The following RUNX3 variants were observed in gnomAD, a reference collection of about 807,000 sequenced individuals.
RUNX3 encodes runt-related transcription factor 3.
Under a neutral mutation model 27.7 loss-of-function variants are expected in RUNX3, and 10 were observed. The observed-to-expected ratio is 0.36, with a 90% CI of 0.22 to 0.61. The LOEUF (loss-of-function observed/expected upper bound fraction) is 0.61. RUNX3 is among the 20% of genes least tolerant of loss of function. The pLI is 0.72. For missense variants in RUNX3, 469 were observed against 629.5 expected (o/e 0.75, Z 2.73); for synonymous variants, 270 against 269.2 (o/e 1.00, Z -0.03).
At position 24,902,386 on chromosome 1, in the gene RUNX3, G is replaced by A. The variant is rs1242516572; in HGVS notation, c.984C>T (p.Ser328=). 1.2e-6 allele frequency: 2 copies of A among 1,612,722 alleles called. No homozygotes were observed. Among genetic ancestry groups the A allele is most frequent in the African/African-American group, 1.3e-5 (1 of 75,062 alleles). ...NQSGPFQANP[S]PYHLYYGTSS... Reference sequence around the variant, plus strand: ...ATGTCCCGTAGTAGAGGTGGTAGGGGGACGGGTTGGCCTGGAAGGGCCCGC... The same window carrying A: ...ATGTCCCGTAGTAGAGGTGGTAGGGAGACGGGTTGGCCTGGAAGGGCCCGC... Residue 328 remains serine, a synonymous_variant, in exon 5 of 5, where the codon TCC becomes TCT. Transcript: ENST00000308873. The surrounding 1 kb of genome is among the most constrained non-coding windows in gnomAD (Gnocchi z 9.2).
intron 2 of RUNX3, among the ~76,000 whole-genome samples, chr1:24,926,896 C>T (rs1249982852): frequency 6.6e-6 from 1 of 152,178 alleles, no homozygotes; most frequent in African/African-American, 2.4e-5. Context: ...TGATGGGTTT[C>T]AGGTCCCAGA....
At chr1:24,910,620 T>C (rs1431892722) in intron 3 of RUNX3, among the ~76,000 whole-genome samples, 2 of 152,286 alleles carry the variant, frequency 1.3e-5, no homozygotes, top group South Asian at 2.1e-4. Context: ...CGCATCCCTG[T>C]TGGAAGCTCA....
Position 24,929,921 on chromosome 1 carries a change from G to A in RUNX3, c.-53C>T. The A allele has an allele frequency of 8.1e-7, 1 of 1,229,232 alleles. No individual in the cohort carries two copies. Among genetic ancestry groups the A allele is most frequent in the Non-Finnish European group, 1.0e-6 (1 of 987,488 alleles). 76.1% of individuals were successfully genotyped at this position (1,229,232 alleles called of 1,614,324 possible). A position where few individuals can be genotyped will look rare whatever the true frequency, so the allele number is the denominator to read the frequency against. Reference sequence around the variant, plus strand: ...GCGGAGACGGCGCGGCTTCCCCCGGGGGCGGCCGGCGCGGGCGCCTCCTCG... The same window carrying A: ...GCGGAGACGGCGCGGCTTCCCCCGGAGGCGGCCGGCGCGGGCGCCTCCTCG... On this transcript the variant is annotated 5_prime_UTR_variant, in exon 1 of 5. Transcript: ENST00000308873.
chr1:24,938,802 A>G (rs1252662655), intron 2 of RUNX3, among the ~76,000 whole-genome samples: 1 of 152,114 alleles, frequency 6.6e-6, no homozygotes, highest in Non-Finnish European at 1.5e-5. Context: ...GGACACAGCC[A>G]GAAGACACTG....
At chr1:24,953,451 C>T (rs1641830502) in intron 2 of RUNX3, among the ~76,000 whole-genome samples, 1 of 139,624 alleles carries the variant, frequency 7.2e-6, no homozygotes, top group African/African-American at 2.6e-5. Context: ...TAGCCATTAG[C>T]TTTTAAATGA....
In RUNX3 at chr1:24,951,277, T is replaced by C. The variant is rs898395580; in HGVS notation, c.58+13237A>G. Reference sequence around the variant, plus strand: ...GAGAGAAAGAAGCTCTTTCCCTGCATGTGTTGCCATGGGATTCTGGCCCAG... The same window carrying C: ...GAGAGAAAGAAGCTCTTTCCCTGCACGTGTTGCCATGGGATTCTGGCCCAG... On this transcript the variant is annotated intron_variant, in intron 2 of 6. Coordinates refer to the RUNX3 transcript ENST00000338888. Among the ~76,000 whole-genome samples, 3 of 151,330 alleles carry C rather than the reference T, an allele frequency of 2.0e-5. No homozygotes were observed. In the East Asian group the frequency reaches 5.8e-4, roughly 29 times the overall value.
Position 24,938,390 on chromosome 1 carries a change from C to T in RUNX3, c.59-8538G>A, listed in dbSNP as rs374069515. 6.8e-4 allele frequency among the ~76,000 whole-genome samples: 103 copies of T among 152,286 alleles called. 1 individual carries two copies. Among genetic ancestry groups the T allele is most frequent in the African/African-American group, 2.3e-3 (96 of 41,548 alleles). ...GGCCCAGGAAGGATCAGAGATTTGC[C>T]CACCGTCACAGAAGGTGCTTATTGA... On this transcript the variant is annotated intron_variant, in intron 2 of 6. Transcript: ENST00000338888.
rs902158588 is a variant in RUNX3, at chr1:24,935,780, G to T, written c.59-5928C>A. ...TTTTTGAACACCTGCCGCATGCTGG[G>T]AGTTTTCCGCCAATTGTCGCTCACC... is the stretch of plus-strand genomic sequence containing the variant. On this transcript the variant is annotated intron_variant, in intron 2 of 6. Coordinates refer to the RUNX3 transcript ENST00000338888. 2.0e-5 allele frequency among the ~76,000 whole-genome samples: 3 copies of T among 152,226 alleles called. No homozygotes were observed. In the South Asian group the frequency reaches 6.2e-4, roughly 32 times the overall value.
intron 2 of RUNX3, among the ~76,000 whole-genome samples, chr1:24,948,790 G>A (rs1349016276): frequency 6.6e-6 from 1 of 152,082 alleles, no homozygotes; most frequent in Non-Finnish European, 1.5e-5. Flanking sequence ...AAGGGTACAT[G>A]TGGGGAGGCC....
chr1:24,945,147 T>C (rs1161701926), intron 2 of RUNX3, among the ~76,000 whole-genome samples: 2 of 152,340 alleles, frequency 1.3e-5, no homozygotes, highest in African/African-American at 2.4e-5. Flanking sequence ...CAAATGGAAA[T>C]ATAAAACACC....
At chr1:24,941,792 A>G (rs916364641) in intron 2 of RUNX3, among the ~76,000 whole-genome samples, 2 of 152,148 alleles carry the variant, frequency 1.3e-5, no homozygotes, top group Non-Finnish European at 2.9e-5. Context: ...GCCTCCTTAC[A>G]GGGTCATGGC....
Position 24,916,307 on chromosome 1 carries a change from C to T in RUNX3, c.544+2933G>A, listed in dbSNP as rs994338683. Among the ~76,000 whole-genome samples, 1 of 152,202 alleles carries T rather than the reference C, an allele frequency of 6.6e-6. No individual in the cohort carries two copies. The highest frequency in any genetic ancestry group is 2.4e-5 in the African/African-American group (1 of 41,452). The stretch of plus-strand genomic sequence containing the variant: ...ACTCAGTCAACCTTCACAGCGACTC[C>T]CCTAGGCAGACACCAATACCATCCA... On this transcript the variant is annotated intron_variant, in intron 3 of 4. Transcript: ENST00000308873. This position sits in a 1 kb window ranked among gnomAD's most constrained non-coding sequence, Gnocchi z 4.8.
Position 24,916,953 on chromosome 1 carries a change from G to A in RUNX3, c.544+2287C>T, listed in dbSNP as rs1640901748. Among the ~76,000 whole-genome samples, 1 of 152,150 alleles carries A rather than the reference G, an allele frequency of 6.6e-6. No homozygotes were observed. The highest frequency in any genetic ancestry group is 6.5e-5 in the Admixed American group (1 of 15,282). On this transcript the variant is annotated intron_variant, in intron 3 of 4. Coordinates refer to ENST00000308873, the MANE Select transcript of RUNX3 (RefSeq NM_004350.3). The surrounding 1 kb of genome is among the most constrained non-coding windows in gnomAD (Gnocchi z 4.8). Reference sequence around the variant, plus strand: ...GCTCACCCCAGAAGGGGCCATCTCAGGTCTGGGAGACCCAGGCAGGGAAGA... The same window carrying A: ...GCTCACCCCAGAAGGGGCCATCTCAAGTCTGGGAGACCCAGGCAGGGAAGA...
intron 2 of RUNX3, among the ~76,000 whole-genome samples, chr1:24,925,271 C>T (rs952412291): frequency 1.3e-5 from 2 of 152,098 alleles, no homozygotes; most frequent in South Asian, 2.1e-4. Context: ...CCCTGCCAAC[C>T]GCCTCCACCT....
upstream of RUNX3, among the ~76,000 whole-genome samples, chr1:24,934,349 G>A (rs572354730): frequency 6.6e-6 from 1 of 152,160 alleles, no homozygotes; most frequent in African/African-American, 2.4e-5. Flanking sequence ...GAGCACAAAT[G>A]TGCTTCTCAA....
intron 1 of RUNX3, 162 bp downstream of exon 1, chr1:24,929,425 G>A (rs1206983711): frequency 4.0e-6 from 3 of 757,932 alleles, no homozygotes; most frequent in Non-Finnish European, 6.9e-6. Flanking sequence ...GAACGCCGAG[G>A]TCCCGGAGCC....
At chr1:24,964,514 C>T (rs200345680) in exon 2 of RUNX3, 73 of 1,609,282 alleles carry the variant, frequency 4.5e-5, no homozygotes, top group East Asian at 4.3e-4. Context: ...TGTTACTCAC[C>T]GCGGATGAAG....
intron 3 of RUNX3, among the ~76,000 whole-genome samples, chr1:24,917,742 C>T (rs1015926047): frequency 5.3e-5 from 8 of 152,178 alleles, no homozygotes; most frequent in Non-Finnish European, 1.0e-4. Context: ...AACTGAGGCA[C>T]GGAGATGACT....
intron 2 of RUNX3, among the ~76,000 whole-genome samples, chr1:24,950,128 T>G (rs992460408): frequency 6.6e-6 from 1 of 152,226 alleles, no homozygotes; most frequent in African/African-American, 2.4e-5. Flanking sequence ...TAGGACCCAG[T>G]GCAAAAAGAA....
Sources: gnomAD v4.1 joint callset for allele counts (sites outside exome capture counted in the v4.1 genomes callset) on GRCh38, gnomAD v4.1.1 for gene constraint, Gnocchi (gnomAD v3.1) non-coding constraint, MANE v1.5 for transcripts, NCBI Gene and HGNC (gene_info 2026-07-23, HGNC 2026-07-21) for gene names.